NUBPL: variants seen among roughly 807,000 people sequenced by gnomAD.
NUBPL encodes the protein NUBP iron-sulfur cluster assembly factor, mitochondrial, also known as iron-sulfur cluster transfer protein NUBPL.
Under a neutral mutation model 45.7 loss-of-function variants are expected in NUBPL, and 31 were observed. That is an observed-to-expected ratio of 0.68 (90% CI 0.51 to 0.92). The LOEUF (loss-of-function observed/expected upper bound fraction) is 0.92. Ranked by LOEUF, NUBPL falls within the 40% of genes least tolerant of loss-of-function variation. NUBPL has a pLI of 0.00. For synonymous variants in NUBPL, 144 were observed against 140.9 expected, an observed-to-expected ratio of 1.02 and a Z score of -0.15; for missense variants, 401 against 398.7, an observed-to-expected ratio of 1.01 and a Z score of -0.05.
intron 8 of NUBPL, among the ~76,000 whole-genome samples, chr14:31,827,364 A>C (rs1361435461): frequency 6.6e-6 from 1 of 151,824 alleles, no homozygotes; most frequent in Non-Finnish European, 1.5e-5. Context: ...AAAAAAAAAA[A>C]ACTGGATGCT....
chr14:31,574,260 CAA>C (rs35099837), intron 3 of NUBPL, among the ~76,000 whole-genome samples: 5 of 150,766 alleles, frequency 3.3e-5, no homozygotes, highest in Non-Finnish European at 7.4e-5. Flanking sequence ...CTTATGTACT[CAA>C]AAAAAATTTT....
chr14:31,569,576 G>A (rs2033526521), intron 3 of NUBPL, among the ~76,000 whole-genome samples: 1 of 152,132 alleles, frequency 6.6e-6, no homozygotes, highest in Admixed American at 6.5e-5. Flanking sequence ...ACTTTCCTTT[G>A]AGGATGTGGA....
chr14:31,705,278 C>T (rs1039965998), intron 6 of NUBPL, among the ~76,000 whole-genome samples: 3 of 152,178 alleles, frequency 2.0e-5, no homozygotes, highest in African/African-American at 7.2e-5. Context: ...CGGTGCAGAC[C>T]CAGAGTGAGC....
intron 4 of NUBPL, among the ~76,000 whole-genome samples, chr14:31,652,272 A>G (rs924300000): frequency 3.9e-5 from 6 of 152,210 alleles, no homozygotes; most frequent in Admixed American, 3.9e-4. Flanking sequence ...AGAGAGTTGA[A>G]TGGTGGTTAC....
At chr14:31,676,815 G>A (rs571406601) in intron 6 of NUBPL, among the ~76,000 whole-genome samples, 6 of 151,242 alleles carry the variant, frequency 4.0e-5, no homozygotes, top group Admixed American at 2.6e-4. Flanking sequence ...GAATTTGTAC[G>A]TATTTTGGCC....
At chr14:31,842,949 T>C (rs17464234) in intron 8 of NUBPL, among the ~76,000 whole-genome samples, 15,894 of 152,276 alleles carry the variant, frequency 0.1, 989 homozygotes, top group Non-Finnish European at 0.15. Context: ...TAATGTTTTC[T>C]TTTTACACCT....
chr14:31,755,193 T>A (rs2038630897), intron 6 of NUBPL, among the ~76,000 whole-genome samples: 1 of 152,166 alleles, frequency 6.6e-6, no homozygotes, highest in African/African-American at 2.4e-5. Flanking sequence ...GCAGGATTTA[T>A]AGTCCTTTGG....
At chr14:31,620,984 A>C (rs1460181159) in intron 4 of NUBPL, among the ~76,000 whole-genome samples, 2 of 152,116 alleles carry the variant, frequency 1.3e-5, no homozygotes, top group African/African-American at 4.8e-5. Flanking sequence ...CCCTGCCCAG[A>C]GAGGAGGAAT....
chr14:31,606,562 G>C (rs1456850859), intron 4 of NUBPL, among the ~76,000 whole-genome samples: 1 of 152,156 alleles, frequency 6.6e-6, no homozygotes, highest in Non-Finnish European at 1.5e-5. Context: ...TTCCCAAAGG[G>C]TGTAACAGCT....
chr14:31,834,128 A>C (rs903616936), intron 8 of NUBPL, among the ~76,000 whole-genome samples: 1 of 148,828 alleles, frequency 6.7e-6, no homozygotes, highest in African/African-American at 2.5e-5. Context: ...CTGTGGTTTA[A>C]TTTTTCTGCT....
chr14:31,604,222 T>C (rs909907761), intron 4 of NUBPL, among the ~76,000 whole-genome samples: 1 of 151,714 alleles, frequency 6.6e-6, no homozygotes, highest in Non-Finnish European at 1.5e-5. Context: ...CAGGCTGATC[T>C]TAAGTCCCCC....
At chr14:31,634,524 T>C (rs1217019084) in intron 4 of NUBPL, among the ~76,000 whole-genome samples, 1 of 152,058 alleles carries the variant, frequency 6.6e-6, no homozygotes, top group Non-Finnish European at 1.5e-5. Context: ...GTCTTTGCTA[T>C]TGTGAATAGT....
intron 4 of NUBPL, among the ~76,000 whole-genome samples, chr14:31,599,915 GT>G (rs1000975658): frequency 1.0e-4 from 15 of 143,564 alleles, no homozygotes; most frequent in South Asian, 2.3e-4. Flanking sequence ...TACTTTACTA[GT>G]TTTTTTTCTT....
intron 8 of NUBPL, among the ~76,000 whole-genome samples, chr14:31,838,024 A>G (rs1227092897): frequency 2.0e-5 from 3 of 152,272 alleles, no homozygotes; most frequent in African/African-American, 7.2e-5. Context: ...ACCAGGAACC[A>G]TGTAAGGAAG....
chr14:31,643,391 CA>C (rs2035760300), intron 4 of NUBPL, among the ~76,000 whole-genome samples: 1 of 152,076 alleles, frequency 6.6e-6, no homozygotes, highest in Non-Finnish European at 1.5e-5. Flanking sequence ...TGCTTTTCAG[CA>C]TGTATTGAAA....
chr14:31,681,475 GT>G (rs34283517), intron 6 of NUBPL, among the ~76,000 whole-genome samples: 2 of 145,408 alleles, frequency 1.4e-5, no homozygotes, highest in Non-Finnish European at 1.5e-5. Context: ...AACTTTACTG[GT>G]TTTTTTTTTC....
intron 6 of NUBPL, among the ~76,000 whole-genome samples, chr14:31,750,774 G>A (rs2038509243): frequency 6.6e-6 from 1 of 152,088 alleles, no homozygotes; most frequent in Non-Finnish European, 1.5e-5. Flanking sequence ...ATATAGTAAT[G>A]TGGTCTCTGT....
At chr14:31,763,272 G>A (rs984923993) in intron 6 of NUBPL, among the ~76,000 whole-genome samples, 1 of 152,110 alleles carries the variant, frequency 6.6e-6, no homozygotes, top group South Asian at 2.1e-4. Flanking sequence ...CATCTTTATT[G>A]CATCCATGTA....
chr14:31,781,680 C>T (rs965181797), intron 6 of NUBPL, among the ~76,000 whole-genome samples: 4 of 152,196 alleles, frequency 2.6e-5, no homozygotes, highest in African/African-American at 9.6e-5. Context: ...TTAATATCAA[C>T]ATTCACTGCC....
Sources: gnomAD v4.1 joint callset for allele counts (sites outside exome capture counted in the v4.1 genomes callset) on GRCh38, gnomAD v4.1.1 for gene constraint, MANE v1.5 for transcripts, NCBI Gene and HGNC (gene_info 2026-07-23, HGNC 2026-07-21) for gene names.